Variants in ACTA2 observed in about 807,000 individuals in gnomAD.
ACTA2 encodes actin alpha 2, smooth muscle.
A neutral mutation model predicts 39.5 loss-of-function variants in ACTA2; 12 were observed. The ratio of observed to expected loss-of-function variants is 0.30; its 90% CI spans 0.19 to 0.49. The LOEUF is 0.49. ACTA2 is among the 20% of genes least tolerant of loss of function. ACTA2 has a pLI of 0.99. For synonymous variants in ACTA2, 158 were observed against 180.6 expected, an observed-to-expected ratio of 0.88 and a Z score of 1.00; for missense variants, 236 against 498.8, an observed-to-expected ratio of 0.47 and a Z score of 5.02.
At chr10:88,955,992 C>G (rs949681747), upstream of ACTA2, among the ~76,000 whole-genome samples, 5 of 152,136 alleles carry the variant, frequency 3.3e-5, no homozygotes, top group African/African-American at 1.2e-4. Context: ...TTAGAAGCAC[C>G]TAGAACACTG....
intron 1 of ACTA2, among the ~76,000 whole-genome samples, chr10:88,978,889 CTAT>C (rs968103940): frequency 1.8e-4 from 27 of 151,356 alleles, no homozygotes; most frequent in African/African-American, 6.3e-4. Flanking sequence ...GATCTCTTCT[CTAT>C]TATTATTATT....
chr10:88,979,562 A>G (rs76639263), intron 1 of ACTA2, among the ~76,000 whole-genome samples: 16,893 of 152,184 alleles, frequency 0.11, 1,275 homozygotes, highest in East Asian at 0.33. Flanking sequence ...AGAGTCTCAC[A>G]CTAGGGCTGT....
At chr10:88,945,788 A>G (rs1216396727) in intron 3 of ACTA2, among the ~76,000 whole-genome samples, 1 of 152,198 alleles carries the variant, frequency 6.6e-6, no homozygotes, top group Non-Finnish European at 1.5e-5. Context: ...AAACAAAAAC[A>G]TTTTTAATTT....
upstream of ACTA2, among the ~76,000 whole-genome samples, chr10:88,954,285 A>C (rs1018472783): frequency 3.3e-5 from 5 of 152,222 alleles, no homozygotes; most frequent in African/African-American, 1.2e-4. Flanking sequence ...ATTGATTAGA[A>C]AATTTTAAAT....
chr10:88,973,250 T>C (rs757141262), intron 1 of ACTA2: 4 of 1,612,712 alleles, frequency 2.5e-6, no homozygotes, highest in Non-Finnish European at 3.4e-6. Context: ...AAATTGGCTA[T>C]GGACCAAATG....
chr10:88,948,969 A>T lies in ACTA2; in HGVS notation c.-23-16T>A. 2.5e-6 allele frequency: 4 copies of T among 1,612,740 alleles called. No homozygotes were observed. Among genetic ancestry groups the T allele is most frequent in the Non-Finnish European group, 3.4e-6 (4 of 1,179,394 alleles). The stretch of plus-strand genomic sequence containing the variant: ...TCACAGGATTCTATAGAAAACAGGG[A>T]GGAAGCAGCCTCAGCTGTAATTGGG... On this transcript the variant is annotated splice_polypyrimidine_tract_variant and intron_variant, in intron 1 of 8. Coordinates refer to ENST00000224784, the MANE Select transcript of ACTA2 (RefSeq NM_001613.4).
At chr10:88,941,968 C>G in intron 4 of ACTA2, 99 bp from the exon 5 acceptor site, 1 of 1,135,348 alleles carries the variant, frequency 8.8e-7, no homozygotes, top group Non-Finnish European at 1.3e-6. Flanking sequence ...GGGGCCTGAC[C>G]TGTTCTGGGC....
chr10:88,958,502 G>T (rs184441726), intron 1 of ACTA2, among the ~76,000 whole-genome samples: 1 of 152,272 alleles, frequency 6.6e-6, no homozygotes, highest in African/African-American at 2.4e-5. Flanking sequence ...GTAGAGCAGG[G>T]ATTCAAACCC....
At chr10:88,943,697 A>C (rs1332576399) in intron 4 of ACTA2, 100 bp downstream of exon 4, 3 of 958,890 alleles carry the variant, frequency 3.1e-6, no homozygotes, top group Non-Finnish European at 5.0e-6. Context: ...CTGTTGGTGG[A>C]CTCCTAGCTC....
At chr10:88,953,163 G>A (rs1206279694), upstream of ACTA2, among the ~76,000 whole-genome samples, 1 of 152,186 alleles carries the variant, frequency 6.6e-6, no homozygotes, top group Non-Finnish European at 1.5e-5. Flanking sequence ...GAACAGAAAG[G>A]GGCAGAAAGG....
At chr10:88,946,805 C>T (rs1328741593) in intron 3 of ACTA2, 1 of 156,336 alleles carries the variant, frequency 6.4e-6, no homozygotes, top group Non-Finnish European at 1.4e-5. Flanking sequence ...AGGTTTGTTA[C>T]ATATGTATAC....
chr10:88,958,990 G>C (rs1589407420), intron 1 of ACTA2, among the ~76,000 whole-genome samples: 1 of 152,138 alleles, frequency 6.6e-6, no homozygotes, highest in African/African-American at 2.4e-5. Flanking sequence ...CTTCCTTTCA[G>C]AAGCCTTTGG....
Position 88,935,280 on chromosome 10 carries a change from G to A in ACTA2, c.1077C>T (p.Ile359=). The A allele has an allele frequency of 6.2e-7, 1 of 1,614,014 alleles. No homozygotes were observed. The highest frequency in any genetic ancestry group is 8.5e-7 in the Non-Finnish European group (1 of 1,179,908). The part of the protein sequence containing the change: ...ASLSTFQQMW[I]SKQEYDEAGP... ...CGGCTTCATCGTATTCCTGTTTGCTGATCCACATCTGCTGGAAGGTGGACA... is the reference window on the plus strand; with the variant it reads ...CGGCTTCATCGTATTCCTGTTTGCTAATCCACATCTGCTGGAAGGTGGACA... Residue 359 remains isoleucine, a synonymous_variant, in exon 9 of 9, where the codon ATC becomes ATT. Coordinates refer to ENST00000224784, the MANE Select transcript of ACTA2 (RefSeq NM_001613.4).
At chr10:88,982,977 T>C (rs1339426327) in intron 1 of ACTA2, among the ~76,000 whole-genome samples, 1 of 152,200 alleles carries the variant, frequency 6.6e-6, no homozygotes, top group African/African-American at 2.4e-5. Flanking sequence ...TCATGTGTCC[T>C]TTCCAGAACG....
exon 1 of ACTA2, chr10:88,991,240 A>C: frequency 2.0e-6 from 1 of 492,980 alleles, no homozygotes. Context: ...ACAGGAATTG[A>C]AGCGGAAGTC....
At chr10:88,942,902 G>A (rs772957503) in intron 4 of ACTA2, among the ~76,000 whole-genome samples, 20 of 152,210 alleles carry the variant, frequency 1.3e-4, no homozygotes, top group Non-Finnish European at 2.5e-4. Context: ...CTGAGGAAAA[G>A]GCCTTGCAGT....
At chr10:88,943,743 T>C in intron 4 of ACTA2, 54 bp downstream of exon 4, 3 of 1,477,718 alleles carry the variant, frequency 2.0e-6, no homozygotes, top group Non-Finnish European at 2.8e-6. Flanking sequence ...AGCCTCCTTC[T>C]AACAGAAGTT....
At chr10:88,958,902 G>A (rs1846181666) in intron 1 of ACTA2, among the ~76,000 whole-genome samples, 1 of 152,138 alleles carries the variant, frequency 6.6e-6, no homozygotes, top group African/African-American at 2.4e-5. Context: ...AAAGTCCCAG[G>A]AAATCTAGGA....
At chr10:88,956,419 C>T (rs1846139702), upstream of ACTA2, among the ~76,000 whole-genome samples, 1 of 152,202 alleles carries the variant, frequency 6.6e-6, no homozygotes, top group Non-Finnish European at 1.5e-5. Flanking sequence ...ACTAATCCTC[C>T]TGTCTCCCTC....
Sources: gnomAD v4.1 joint callset for allele counts (sites outside exome capture counted in the v4.1 genomes callset) on GRCh38, gnomAD v4.1.1 for gene constraint, MANE v1.5 for transcripts, NCBI Gene and HGNC (gene_info 2026-07-23, HGNC 2026-07-21) for gene names.